KCNH1: variants seen among roughly 807,000 people sequenced by gnomAD.
KCNH1 encodes the protein potassium voltage-gated channel subfamily H member 1, also known as voltage-gated delayed rectifier potassium channel KCNH1.
Under a neutral mutation model 69.2 loss-of-function variants are expected in KCNH1, and 27 were observed. The observed-to-expected ratio is 0.39, with a 90% CI of 0.29 to 0.54. The LOEUF (loss-of-function observed/expected upper bound fraction) is 0.54. KCNH1 is among the 20% of genes least tolerant of loss of function. The pLI is 0.68. For synonymous variants in KCNH1, 456 were observed against 487.7 expected (o/e 0.93, Z 0.86); for missense variants, 798 against 1,261.6 (o/e 0.63, Z 5.57).
chr1:210,793,639 C>A (rs772648753), intron 9 of KCNH1, among the ~76,000 whole-genome samples: 1 of 152,174 alleles, frequency 6.6e-6, no homozygotes, highest in Non-Finnish European at 1.5e-5. Flanking sequence ...AATATTAGAA[C>A]TGGAAGAAAG....
At chr1:210,788,366 T>C (rs2102388430) in intron 9 of KCNH1, among the ~76,000 whole-genome samples, 1 of 152,304 alleles carries the variant, frequency 6.6e-6, no homozygotes, top group African/African-American at 2.4e-5. Flanking sequence ...TTTGAAACAT[T>C]TTGCATGCCA....
At chr1:210,900,187 C>A (rs1296765433) in intron 7 of KCNH1, among the ~76,000 whole-genome samples, 4 of 152,140 alleles carry the variant, frequency 2.6e-5, no homozygotes, top group Non-Finnish European at 5.9e-5. Context: ...AAATACAAAG[C>A]AGTTCAAAAA....
At chr1:210,910,262 G>A (rs61262114) in intron 7 of KCNH1, among the ~76,000 whole-genome samples, 3 of 138,776 alleles carry the variant, frequency 2.2e-5, no homozygotes, top group Non-Finnish European at 4.5e-5. Context: ...ACAGTCAGAG[G>A]TGGTCATCAA....
intron 7 of KCNH1, among the ~76,000 whole-genome samples, chr1:210,888,311 G>A (rs138074755): frequency 9.9e-5 from 15 of 152,160 alleles, no homozygotes; most frequent in Non-Finnish European, 1.6e-4. Context: ...AATGACTACC[G>A]GGTAAACAAC....
At chr1:210,880,660 A>C (rs1396371234) in intron 7 of KCNH1, among the ~76,000 whole-genome samples, 1 of 152,204 alleles carries the variant, frequency 6.6e-6, no homozygotes, top group Non-Finnish European at 1.5e-5. Flanking sequence ...AATCTAGATC[A>C]TCTCGGGTTT....
intron 6 of KCNH1, among the ~76,000 whole-genome samples, chr1:211,012,242 G>T (rs1333763435): frequency 1.3e-5 from 2 of 152,114 alleles, no homozygotes; most frequent in African/African-American, 4.8e-5. Flanking sequence ...GAGAAATGTT[G>T]CTTTTACCCA....
At chr1:210,714,414 T>A (rs898850679) in intron 10 of KCNH1, among the ~76,000 whole-genome samples, 2 of 152,192 alleles carry the variant, frequency 1.3e-5, no homozygotes, top group East Asian at 3.9e-4. Context: ...TGCCTTTACC[T>A]GGGGTTGGGG....
At chr1:210,868,356 T>C (rs1686160970) in intron 7 of KCNH1, among the ~76,000 whole-genome samples, 1 of 152,028 alleles carries the variant, frequency 6.6e-6, no homozygotes, top group African/African-American at 2.4e-5. Context: ...ATCAGCTTAG[T>C]CTGTGGCTAA....
chr1:211,125,363 A>T (rs1691759438), intron 1 of KCNH1, among the ~76,000 whole-genome samples: 1 of 152,236 alleles, frequency 6.6e-6, no homozygotes, highest in Non-Finnish European at 1.5e-5. Context: ...ACAGAGGCTT[A>T]AAGCACAGCC....
At chr1:211,010,892 G>A (rs960506633) in intron 6 of KCNH1, among the ~76,000 whole-genome samples, 15 of 152,178 alleles carry the variant, frequency 9.9e-5, no homozygotes, top group African/African-American at 3.6e-4. Flanking sequence ...ATTGGCCAGA[G>A]AGCATCCTGG....
chr1:210,999,971 A>C (rs1000407273), intron 6 of KCNH1, among the ~76,000 whole-genome samples: 3 of 152,196 alleles, frequency 2.0e-5, no homozygotes, highest in African/African-American at 2.4e-5. Context: ...ACAACCCTTC[A>C]TGTTAAAAAC....
chr1:211,023,085 T>C (rs997490595), intron 5 of KCNH1, among the ~76,000 whole-genome samples: 9 of 151,270 alleles, frequency 5.9e-5, no homozygotes, highest in African/African-American at 2.2e-4. Flanking sequence ...CACTCCAGCC[T>C]GGGCGACAGA....
At chr1:211,125,163 A>T (rs146657608) in intron 1 of KCNH1, among the ~76,000 whole-genome samples, 1 of 152,314 alleles carries the variant, frequency 6.6e-6, no homozygotes, top group African/African-American at 2.4e-5. Flanking sequence ...TAAGGACTAC[A>T]ACCTCTCTCT....
At chr1:210,791,209 G>T (rs1341711373) in intron 9 of KCNH1, among the ~76,000 whole-genome samples, 2 of 152,198 alleles carry the variant, frequency 1.3e-5, no homozygotes, top group Admixed American at 6.5e-5. Flanking sequence ...CTCCCACTCA[G>T]TGCATCCCTG....
At chr1:210,985,426 A>G (rs12046391) in intron 6 of KCNH1, among the ~76,000 whole-genome samples, 23,171 of 152,178 alleles carry the variant, frequency 0.15, 2,070 homozygotes, top group East Asian at 0.39. Context: ...ATGTAGTGCT[A>G]TAAATTTCCC....
chr1:210,970,138 T>C (rs1382296948), intron 6 of KCNH1, among the ~76,000 whole-genome samples: 1 of 151,980 alleles, frequency 6.6e-6, no homozygotes, highest in African/African-American at 2.4e-5. Flanking sequence ...AGGATACATG[T>C]GCAGAATGTG....
intron 10 of KCNH1, among the ~76,000 whole-genome samples, chr1:210,690,751 G>A (rs902507065): frequency 1.3e-5 from 2 of 152,194 alleles, no homozygotes; most frequent in Non-Finnish European, 2.9e-5. Context: ...CCTGAGCCTC[G>A]AGGAGGGGAG....
At chr1:211,121,416 A>T (rs1691681265) in intron 1 of KCNH1, among the ~76,000 whole-genome samples, 1 of 152,218 alleles carries the variant, frequency 6.6e-6, no homozygotes, top group Admixed American at 6.5e-5. Context: ...CCTGAAAAAA[A>T]CAAGCAATGA....
chr1:210,971,959 T>C (rs972897636), intron 6 of KCNH1, among the ~76,000 whole-genome samples: 1 of 152,090 alleles, frequency 6.6e-6, no homozygotes, highest in African/African-American at 2.4e-5. Context: ...ATGAGTAACA[T>C]GCAGTAGTTA....
Sources: gnomAD v4.1 joint callset for allele counts (sites outside exome capture counted in the v4.1 genomes callset) on GRCh38, gnomAD v4.1.1 for gene constraint, MANE v1.5 for transcripts, NCBI Gene and HGNC (gene_info 2026-07-23, HGNC 2026-07-21) for gene names.